Variants in GRIK3 observed in about 807,000 individuals in gnomAD.
GRIK3 encodes glutamate ionotropic receptor kainate type subunit 3.
GRIK3 carries 29 observed loss-of-function variants against 102.5 expected under a neutral mutation model. That is an observed-to-expected ratio of 0.28 (90% CI 0.21 to 0.39). GRIK3 has a LOEUF of 0.39. Ranked by LOEUF, GRIK3 falls within the 10% of genes least tolerant of loss-of-function variation. The pLI is 1.00. For synonymous variants in GRIK3, 511 were observed against 504.9 expected (o/e 1.01, Z -0.16); for missense variants, 908 against 1,252.4 (o/e 0.73, Z 4.15).
At chr1:36,989,039 A>G (rs1407006950) in intron 1 of GRIK3, among the ~76,000 whole-genome samples, 1 of 152,066 alleles carries the variant, frequency 6.6e-6, no homozygotes, top group Non-Finnish European at 1.5e-5. Flanking sequence ...CCACCTCCCC[A>G]GCCTCACACT....
intron 10 of GRIK3, among the ~76,000 whole-genome samples, chr1:36,827,529 G>A (rs1314943023): frequency 6.6e-6 from 1 of 152,156 alleles, no homozygotes; most frequent in African/African-American, 2.4e-5. Flanking sequence ...CACTCATTGT[G>A]TCATGAACTC....
chr1:37,013,682 C>A (rs1218432604), intron 1 of GRIK3, among the ~76,000 whole-genome samples: 1 of 152,212 alleles, frequency 6.6e-6, no homozygotes, highest in Non-Finnish European at 1.5e-5. Context: ...TTGGACCAGG[C>A]TTTGGTGAGG....
At chr1:36,884,676 T>C (rs1475308042) in intron 2 of GRIK3, among the ~76,000 whole-genome samples, 1 of 152,256 alleles carries the variant, frequency 6.6e-6, no homozygotes, top group Non-Finnish European at 1.5e-5. Flanking sequence ...AGCTGTCCCC[T>C]GATGCCTCTG....
intron 1 of GRIK3, among the ~76,000 whole-genome samples, chr1:36,909,740 T>C (rs764090004): frequency 1.2e-4 from 18 of 152,142 alleles, no homozygotes; most frequent in Non-Finnish European, 1.6e-4. Flanking sequence ...TGCTCAAATC[T>C]AACCCCTAAC....
intron 1 of GRIK3, among the ~76,000 whole-genome samples, chr1:36,971,626 T>C (rs1570835680): frequency 6.6e-6 from 1 of 152,132 alleles, no homozygotes; most frequent in African/African-American, 2.4e-5. Flanking sequence ...TATACTTGGA[T>C]ATCAGAAGCC....
chr1:36,839,452 A>G (rs1318096305), intron 10 of GRIK3, among the ~76,000 whole-genome samples: 5 of 152,124 alleles, frequency 3.3e-5, no homozygotes, highest in Non-Finnish European at 7.4e-5. Context: ...AGCAGGTATT[A>G]TTATTCTCAC....
intron 1 of GRIK3, among the ~76,000 whole-genome samples, chr1:36,900,373 C>T (rs976711242): frequency 1.3e-5 from 2 of 152,174 alleles, no homozygotes; most frequent in Non-Finnish European, 2.9e-5. Context: ...CTCCTCTGCT[C>T]AAGTGATCCT....
At chr1:37,022,322 G>A (rs943851445) in intron 1 of GRIK3, among the ~76,000 whole-genome samples, 2 of 152,198 alleles carry the variant, frequency 1.3e-5, no homozygotes, top group African/African-American at 4.8e-5. Flanking sequence ...TCTCTTCCTT[G>A]GTTCAGCTCC....
intron 1 of GRIK3, among the ~76,000 whole-genome samples, chr1:36,989,250 C>T (rs1642339576): frequency 6.6e-6 from 1 of 152,180 alleles, no homozygotes; most frequent in Non-Finnish European, 1.5e-5. Flanking sequence ...AGAAAGGTGG[C>T]TGGGGTCATG....
In GRIK3 at chr1:36,919,679, C is replaced by T. The variant is rs543484138; in HGVS notation, c.116-28583G>A. On this transcript the variant is annotated intron_variant, in intron 1 of 15. Transcript: ENST00000373091. ...AATGCTGCCTCAAGGAACTGCTGCT[C>T]CCATCTCCAGCACTGCTGTGCCCGG... Among the ~76,000 whole-genome samples, 51 of 152,322 alleles carry T rather than the reference C, an allele frequency of 3.3e-4. No homozygotes were observed. In the South Asian group the frequency reaches 9.7e-3, roughly 29 times the overall value.
intron 1 of GRIK3, among the ~76,000 whole-genome samples, chr1:37,024,289 C>G (rs1642744596): frequency 6.6e-6 from 1 of 151,982 alleles, no homozygotes; most frequent in Non-Finnish European, 1.5e-5. Flanking sequence ...TAGTGTAGGA[C>G]AGGGAACAAA....
chr1:36,941,390 G>A (rs564567377), intron 1 of GRIK3, among the ~76,000 whole-genome samples: 46 of 152,134 alleles, frequency 3.0e-4, no homozygotes, highest in Non-Finnish European at 5.3e-4. Flanking sequence ...TTCATTTTTC[G>A]GGAGAAGCAA....
chr1:36,853,511 C>T (rs1640608861), intron 8 of GRIK3, 104 bp downstream of exon 8: 1 of 734,760 alleles, frequency 1.4e-6, no homozygotes, highest in African/African-American at 1.7e-5. Context: ...GGCAGCTGGA[C>T]TGTGTCTTGC....
At chr1:36,974,273 G>A (rs941912336) in intron 1 of GRIK3, among the ~76,000 whole-genome samples, 2 of 151,988 alleles carry the variant, frequency 1.3e-5, no homozygotes, top group African/African-American at 4.8e-5. Context: ...TTGCATTTTT[G>A]GCCATTACTT....
intron 2 of GRIK3, among the ~76,000 whole-genome samples, chr1:36,884,684 C>T (rs551217489): frequency 1.3e-5 from 2 of 152,234 alleles, no homozygotes; most frequent in Non-Finnish European, 2.9e-5. Flanking sequence ...CCTGATGCCT[C>T]TGGTTTCTGT....
At chr1:36,976,250 C>G (rs952381300) in intron 1 of GRIK3, among the ~76,000 whole-genome samples, 1 of 152,140 alleles carries the variant, frequency 6.6e-6, no homozygotes, top group Non-Finnish European at 1.5e-5. Context: ...GGGAGGCTCT[C>G]GACTCCTTCC....
chr1:36,826,016 A>G (rs1168459403), intron 10 of GRIK3, among the ~76,000 whole-genome samples, 190 bp from the exon 11 acceptor site: 1 of 152,188 alleles, frequency 6.6e-6, no homozygotes, highest in Non-Finnish European at 1.5e-5. Flanking sequence ...GGAGACAATG[A>G]TGAATTCAAC....
chr1:36,910,691 G>A (rs957426750), intron 1 of GRIK3, among the ~76,000 whole-genome samples: 1 of 152,228 alleles, frequency 6.6e-6, no homozygotes. Context: ...CCTGGGAGAG[G>A]AAAGGGAGAC....
Position 36,850,440 on chromosome 1 carries a change from C to G in GRIK3, c.1213-16G>C, listed in dbSNP as rs1640570487. 10 of 1,516,644 alleles carry G rather than the reference C, an allele frequency of 6.6e-6. No individual in the cohort carries two copies. The highest frequency in any genetic ancestry group is 1.1e-5 in the South Asian group (1 of 89,102). 93.9% of individuals were successfully genotyped at this position (1,516,644 alleles called of 1,614,324 possible). A position where few individuals can be genotyped will look rare whatever the true frequency, so the allele number is the denominator to read the frequency against. The stretch of plus-strand genomic sequence containing the variant: ...ACACCCCAACCTGGATGGACACAGA[C>G]AGAAAACAGGGTGCCGAGTCCTTGG... On this transcript the variant is annotated splice_polypyrimidine_tract_variant and intron_variant, in intron 8 of 15. Transcript: ENST00000373091. The surrounding 1 kb of genome is among the most constrained non-coding windows in gnomAD (Gnocchi z 4.0).
Sources: allele counts gnomAD v4.1 joint callset (sites outside exome capture counted in the v4.1 genomes callset), GRCh38; gene constraint gnomAD v4.1.1; non-coding constraint Gnocchi (gnomAD v3.1); transcripts MANE v1.5; gene names NCBI Gene and HGNC (gene_info 2026-07-23, HGNC 2026-07-21).